SEC24B: variants seen among roughly 807,000 people sequenced by gnomAD.
SEC24B encodes SEC24 homolog B, COPII component, also known as protein transport protein Sec24B.
A neutral mutation model predicts 142.8 loss-of-function variants in SEC24B; 45 were observed. That is an observed-to-expected ratio of 0.32 (90% CI 0.25 to 0.40). The LOEUF (loss-of-function observed/expected upper bound fraction) is 0.40. Ranked by LOEUF, SEC24B falls within the 10% of genes least tolerant of loss-of-function variation. The pLI, the probability that SEC24B is intolerant of heterozygous loss-of-function variation, is 1.00. For missense variants in SEC24B, 1,409 were observed against 1,526.8 expected, an observed-to-expected ratio of 0.92 and a Z score of 1.29; for synonymous variants, 574 against 568.2, an observed-to-expected ratio of 1.01 and a Z score of -0.15.
intron 3 of SEC24B, among the ~76,000 whole-genome samples, chr4:109,474,371 G>GT (rs1388283151): frequency 6.7e-6 from 1 of 148,746 alleles, no homozygotes; most frequent in Non-Finnish European, 1.5e-5. Flanking sequence ...TTTCTTAAAT[G>GT]TTTCGCTTTT....
At chr4:109,485,804 C>G (rs1015871803) in intron 4 of SEC24B, among the ~76,000 whole-genome samples, 3 of 152,182 alleles carry the variant, frequency 2.0e-5, no homozygotes, top group Non-Finnish European at 4.4e-5. Flanking sequence ...GAGTGCTCTA[C>G]TTCTTAAGCA....
At chr4:109,435,426 G>C (rs1728317411) in intron 1 of SEC24B, among the ~76,000 whole-genome samples, 1 of 152,198 alleles carries the variant, frequency 6.6e-6, no homozygotes, top group South Asian at 2.1e-4. Context: ...ACTAGAACAC[G>C]ATAATTTAGT....
chr4:109,438,504 A>G (rs1728624287), intron 1 of SEC24B, among the ~76,000 whole-genome samples: 1 of 152,058 alleles, frequency 6.6e-6, no homozygotes, highest in African/African-American at 2.4e-5. Flanking sequence ...ATTTGTAGAG[A>G]CTGATCTCAA....
chr4:109,530,768 C>T (rs1330591476), intron 19 of SEC24B, among the ~76,000 whole-genome samples: 19 of 151,680 alleles, frequency 1.3e-4, no homozygotes, highest in African/African-American at 1.7e-4. Context: ...TGGTGGCACG[C>T]GCCTGTAATC....
At chr4:109,483,608 C>T (rs2125988233) in intron 4 of SEC24B, among the ~76,000 whole-genome samples, 1 of 152,262 alleles carries the variant, frequency 6.6e-6, no homozygotes, top group South Asian at 2.1e-4. Context: ...GACCACAATT[C>T]TCCTGTTCTA....
Position 109,481,704 on chromosome 4 carries a change from A to C in SEC24B, c.1088A>C (p.Asn363Thr), listed in dbSNP as rs1265062117. The change falls in exon 4 of 24, where the codon AAC becomes ACC. Residue 363 changes from asparagine (N) to threonine (T), a missense_variant. Around this residue, in one of 2 missense-constraint regions of SEC24B, gnomAD observed 709 missense variants for 673.5 expected, o/e 1.05. Transcript: ENST00000265175. Reference protein sequence around the residue: ...KGVQYGEYVNNQASSAPTPLS... With the variant: ...KGVQYGEYVNTQASSAPTPLS... ...GTGCAGTATGGTGAATATGTTAATA[A>C]CCAAGCTAGCTCCGCACCAACTCCC... The C allele has an allele frequency of 3.7e-6, 6 of 1,613,576 alleles. No homozygotes were observed. Among genetic ancestry groups the C allele is most frequent in the Non-Finnish European group, 5.1e-6 (6 of 1,179,686 alleles).
At chr4:109,450,997 A>G (rs1730024136) in intron 1 of SEC24B, 1 of 152,092 alleles carries the variant, frequency 6.6e-6, no homozygotes, top group Non-Finnish European at 1.5e-5. Context: ...CCCAGAACTC[A>G]TGGGCTTAAG....
rs909635885 is a variant in SEC24B at position 109,433,997 on chromosome 4, A to C, written c.128A>C (p.Gln43Pro). 1.7e-6 allele frequency: 2 copies of C among 1,173,174 alleles called. No homozygotes were observed. The highest frequency in any genetic ancestry group is 1.6e-5 in the African/African-American group (1 of 61,868). 72.7% of individuals were successfully genotyped at this position (1,173,174 alleles called of 1,614,324 possible). The part of the protein sequence containing the change: ...GPGAGPAPHQ[Q>P]NGPAQNQMQV... ...GGTGCGGGCCCGGCGCCGCACCAGC[A>C]GAACGGTGAGGCGGGCGGCCCGGGC... is the stretch of plus-strand genomic sequence containing the variant. Residue 43 changes from glutamine (Q) to proline (P), a missense_variant, in exon 1 of 24, where the codon CAG (glutamine) becomes CCG (proline). Coordinates refer to ENST00000265175, the MANE Select transcript of SEC24B (RefSeq NM_006323.5).
At chr4:109,482,132 T>C (rs1190287053) in intron 4 of SEC24B, among the ~76,000 whole-genome samples, 1 of 152,240 alleles carries the variant, frequency 6.6e-6, no homozygotes, top group East Asian at 1.9e-4. Context: ...GGAATAATGC[T>C]TCATTTTCTG....
rs371387611 is a variant in SEC24B at position 109,491,282 on chromosome 4, A to G, written c.1166-45A>G. 2.0e-4 allele frequency: 293 copies of G among 1,459,828 alleles called. 2 individuals are homozygous for G. Among genetic ancestry groups the G allele is most frequent in the South Asian group, 7.5e-4 (63 of 83,968 alleles). The allele number at this position is 1,459,828 out of a possible 1,614,324, so 90.4% of individuals were successfully genotyped here. A position where few individuals can be genotyped will look rare whatever the true frequency, so the allele number is the denominator to read the frequency against. On this transcript the variant is annotated intron_variant, in intron 4 of 23. Transcript: ENST00000265175. ...AAATTGCCAAAGGCTGCTTTAAGAT[A>G]CTTTGTCATTTTAAACCTAGTAGAT... is the stretch of plus-strand genomic sequence containing the variant.
At chr4:109,515,014 T>TA (rs1274295780) in intron 10 of SEC24B, among the ~76,000 whole-genome samples, 1 of 152,226 alleles carries the variant, frequency 6.6e-6, no homozygotes, top group Non-Finnish European at 1.5e-5. Flanking sequence ...TTAGGAATCT[T>TA]AATCTAATTG....
intron 6 of SEC24B, among the ~76,000 whole-genome samples, chr4:109,503,626 C>G (rs1276322179): frequency 6.6e-6 from 1 of 152,186 alleles, no homozygotes; most frequent in East Asian, 1.9e-4. Context: ...TCCCAAAGTG[C>G]TGGGATTGCA....
At chr4:109,477,320 A>T (rs1733282436) in intron 3 of SEC24B, among the ~76,000 whole-genome samples, 2 of 151,324 alleles carry the variant, frequency 1.3e-5, no homozygotes, top group African/African-American at 2.4e-5. Context: ...TATTATTTTT[A>T]TTTATTTATT....
rs897010122 is a variant in SEC24B at position 109,525,697 on chromosome 4, A to G, written c.2791+193A>G. Among the ~76,000 whole-genome samples, 6 of 152,122 alleles carry G rather than the reference A, an allele frequency of 3.9e-5. No individual in the cohort carries two copies. The East Asian group carries it at 9.6e-4, about 24-fold the overall frequency. On this transcript the variant is annotated intron_variant, in intron 16 of 23. Transcript: ENST00000265175. ...TTAAAAATAACTTGAATAAGTAGAC[A>G]AAAGTAATGTTTGATTTACTCAGAA...
Position 109,463,505 on chromosome 4 carries a change from A to G in SEC24B, c.738A>G (p.Gln246=), listed in dbSNP as rs767452052. Residue 246 remains glutamine (Q), a synonymous_variant, in exon 2 of 24, where the codon CAA becomes CAG. Transcript: ENST00000265175. ...HPSPLPPLPS[Q]QHHQQQSLSG... ...CGCCACTTCCACCTCTACCATCACAACAGCACCACCAGCAGCAAAGTCTTT... is the reference window on the plus strand; with the variant it reads ...CGCCACTTCCACCTCTACCATCACAGCAGCACCACCAGCAGCAAAGTCTTT... 2.2e-5 allele frequency: 36 copies of G among 1,613,958 alleles called. No individual in the cohort carries two copies. The highest frequency in any genetic ancestry group is 3.0e-5 in the Non-Finnish European group (35 of 1,180,008).
intron 22 of SEC24B, among the ~76,000 whole-genome samples, chr4:109,537,929 A>C (rs538702030): frequency 2.8e-4 from 43 of 152,298 alleles, no homozygotes; most frequent in African/African-American, 7.9e-4. Flanking sequence ...GGCTTTGAAA[A>C]AGGAAAGTAA....
At chr4:109,514,042 A>G (rs1737665138) in intron 10 of SEC24B, among the ~76,000 whole-genome samples, 186 bp downstream of exon 10, 1 of 152,212 alleles carries the variant, frequency 6.6e-6, no homozygotes, top group South Asian at 2.1e-4. Flanking sequence ...GATCTCCTAG[A>G]AGGCTTTCTA....
rs1454197365 is a variant in SEC24B at position 109,521,424 on chromosome 4, T to A, written c.2306T>A (p.Ile769Lys). The A allele has an allele frequency of 6.2e-7, 1 of 1,612,860 alleles. No homozygotes were observed. The highest frequency in any genetic ancestry group is 1.7e-5 in the Admixed American group (1 of 60,014). Residue 769 changes from isoleucine (I) to lysine (K), a missense_variant, in exon 14 of 24, where the codon ATA becomes AAA. By Grantham distance (102) the Ile-to-Lys change is moderately radical. Around this residue, in one of 2 missense-constraint regions of SEC24B, gnomAD observed 700 missense variants for 853.3 expected, o/e 0.82. Transcript: ENST00000265175. ...LVNLYESKELIKDLLNALPNM... is the reference protein window; with the variant it reads ...LVNLYESKELKKDLLNALPNM... ...TTTTGATCTTTGTTTTCTCAGCTTA[T>A]AAAAGACTTACTGAATGCATTACCA...
At chr4:109,475,550 T>A (rs1007746797) in intron 3 of SEC24B, among the ~76,000 whole-genome samples, 1 of 152,222 alleles carries the variant, frequency 6.6e-6, no homozygotes, top group Non-Finnish European at 1.5e-5. Context: ...AAATTTTTTT[T>A]ATAAACTACC....
Sources: allele counts gnomAD v4.1 joint callset (sites outside exome capture counted in the v4.1 genomes callset), GRCh38; gene constraint gnomAD v4.1.1; regional missense constraint gnomAD v4.1.1; transcripts MANE v1.5; gene names NCBI Gene and HGNC (gene_info 2026-07-23, HGNC 2026-07-21).